PKP4: variants seen among roughly 807,000 people sequenced by gnomAD.
PKP4 encodes plakophilin 4, also known as plakophilin-4.
A neutral mutation model predicts 145.1 loss-of-function variants in PKP4; 90 were observed. That is an observed-to-expected ratio of 0.62 (90% CI 0.52 to 0.74). The LOEUF (loss-of-function observed/expected upper bound fraction) is 0.74. Among genes scored for constraint, PKP4 ranks in the 30% least tolerant of loss-of-function variants. PKP4 has a pLI of 0.00. For synonymous variants in PKP4, 563 were observed against 577.2 expected (o/e 0.98, Z 0.35); for missense variants, 1,340 against 1,482.7 (o/e 0.90, Z 1.58).
chr2:158,557,271 TATC>T (rs936406570), intron 2 of PKP4, among the ~76,000 whole-genome samples: 6 of 151,462 alleles, frequency 4.0e-5, no homozygotes, highest in African/African-American at 1.4e-4. Context: ...GTAATACTAT[TATC>T]ATGATACCTT....
At position 158,634,073 on chromosome 2, in the gene PKP4, G is replaced by T; in HGVS notation, c.1346G>T (p.Gly449Val). The T allele has an allele frequency of 6.4e-7, 1 of 1,574,800 alleles. No homozygotes were observed. The stretch of plus-strand genomic sequence containing the variant: ...TTTCAAAATGTTGACTTTCTAGTAG[G>T]TATTGGAAATCTACAAAGGACATCC... Reference protein sequence around the residue: ...QTALYRTGSVGIGNLQRTSSQ... With the variant: ...QTALYRTGSVVIGNLQRTSSQ... Residue 449 changes from glycine (G) to valine (V), a missense_variant, in exon 9 of 22, where the codon GGT becomes GTT. Physicochemically the swap from Gly to Val is moderately radical, Grantham distance 109 (BLOSUM62 -3). Transcript: ENST00000389759.
rs1187207129 is a variant in PKP4 at position 158,625,219 on chromosome 2, A to G, written c.945A>G (p.Pro315=). The G allele has an allele frequency of 1.3e-5, 21 of 1,614,036 alleles. No individual in the cohort carries two copies. Among genetic ancestry groups the G allele is most frequent in the Non-Finnish European group, 1.5e-5 (18 of 1,179,988 alleles). ...AAACCACCGCCAGAGTGGGGTCCCC[A>G]CTGACCCTGACGGATGCACAGACTC... ...QYQTTARVGS[P]LTLTDAQTRV... Residue 315 remains proline (P), a synonymous_variant, in exon 7 of 22, where the codon CCA becomes CCG. Coordinates refer to ENST00000389759, the MANE Select transcript of PKP4 (RefSeq NM_003628.6).
chr2:158,588,204 G>A (rs1160564785), intron 3 of PKP4: 1 of 152,234 alleles, frequency 6.6e-6, no homozygotes, highest in Non-Finnish European at 1.5e-5. Context: ...CATAATGAAT[G>A]TACATTTTTA....
intron 1 of PKP4, among the ~76,000 whole-genome samples, chr2:158,472,381 G>A (rs533428427): frequency 9.9e-5 from 15 of 152,068 alleles, no homozygotes; most frequent in Non-Finnish European, 1.3e-4. Flanking sequence ...AGGCCGAGGC[G>A]GGCAGATCAT....
chr2:158,458,543 C>T (rs1689246737), intron 1 of PKP4, among the ~76,000 whole-genome samples: 1 of 152,154 alleles, frequency 6.6e-6, no homozygotes, highest in South Asian at 2.1e-4. Context: ...CTAGGGTTTT[C>T]TGAAAACCAG....
At chr2:158,541,616 A>G (rs2044528806) in intron 2 of PKP4, among the ~76,000 whole-genome samples, 1 of 152,106 alleles carries the variant, frequency 6.6e-6, no homozygotes, top group African/African-American at 2.4e-5. Flanking sequence ...TTCAAATATG[A>G]AAATAGCTAT....
At chr2:158,482,943 G>A (rs1302136173) in intron 1 of PKP4, among the ~76,000 whole-genome samples, 3 of 152,094 alleles carry the variant, frequency 2.0e-5, no homozygotes, top group African/African-American at 7.2e-5. Flanking sequence ...GTGTTTGTTA[G>A]CCTACACACA....
intron 1 of PKP4, among the ~76,000 whole-genome samples, chr2:158,522,054 G>C (rs943848771): frequency 2.0e-5 from 3 of 152,062 alleles, no homozygotes; most frequent in Non-Finnish European, 4.4e-5. Flanking sequence ...TGTTCATAAT[G>C]ACAACTATAT....
chr2:158,587,942 A>C (rs2048942484), intron 3 of PKP4, among the ~76,000 whole-genome samples: 1 of 151,808 alleles, frequency 6.6e-6, no homozygotes, highest in Admixed American at 6.6e-5. Flanking sequence ...TTTTACATCA[A>C]AGATTGTAGG....
chr2:158,615,543 C>T (rs1024609462), intron 4 of PKP4, among the ~76,000 whole-genome samples: 9 of 152,044 alleles, frequency 5.9e-5, no homozygotes, highest in African/African-American at 1.7e-4. Context: ...ATACTTAACA[C>T]TCATTTTTAT....
intron 3 of PKP4, among the ~76,000 whole-genome samples, chr2:158,594,744 T>G (rs1288691512): frequency 6.6e-6 from 1 of 152,130 alleles, no homozygotes; most frequent in Non-Finnish European, 1.5e-5. Flanking sequence ...TTGGAAGGGG[T>G]TTCAAAAAAT....
chr2:158,473,992 ATTATAT>A (rs1436912069), intron 1 of PKP4, among the ~76,000 whole-genome samples: 3 of 152,164 alleles, frequency 2.0e-5, no homozygotes, highest in African/African-American at 4.8e-5. Flanking sequence ...TACTAAATGA[ATTATAT>A]TTATTATATG....
intron 11 of PKP4, among the ~76,000 whole-genome samples, chr2:158,656,652 G>T (rs926886993): frequency 2.1e-4 from 32 of 152,182 alleles, no homozygotes; most frequent in African/African-American, 7.5e-4. Flanking sequence ...CACAGGTGCA[G>T]AGCAGAACAC....
At chr2:158,596,649 T>C (rs538692584) in intron 3 of PKP4, among the ~76,000 whole-genome samples, 2 of 150,502 alleles carry the variant, frequency 1.3e-5, no homozygotes, top group South Asian at 4.2e-4. Context: ...AAGAAAAGAA[T>C]ATTGTAATAT....
chr2:158,489,342 T>C (rs1452589694), intron 1 of PKP4, among the ~76,000 whole-genome samples: 1 of 152,238 alleles, frequency 6.6e-6, no homozygotes, highest in East Asian at 1.9e-4. Context: ...ACTATCTTAA[T>C]CATTTCAAGT....
rs147270674 is a variant in PKP4, at chr2:158,534,288, G to T, written c.132+972G>T. Among the ~76,000 whole-genome samples the T allele has an allele frequency of 9.9e-4, 151 of 152,300 alleles. 2 individuals carry two copies. In the East Asian group the frequency reaches 0.027, roughly 27 times the overall value. On this transcript the variant is annotated intron_variant, in intron 2 of 21. Transcript: ENST00000389759. Reference sequence around the variant, plus strand: ...TCGTAACTTGGAATGTGGCATGAAAGATTGCTCTATAACCGTGACACATGT... The same window carrying T: ...TCGTAACTTGGAATGTGGCATGAAATATTGCTCTATAACCGTGACACATGT...
intron 1 of PKP4, among the ~76,000 whole-genome samples, chr2:158,522,678 G>T (rs560877775): frequency 6.6e-6 from 1 of 152,236 alleles, no homozygotes; most frequent in Non-Finnish European, 1.5e-5. Flanking sequence ...CAGCGTGAGC[G>T]ACGCAGAAGA....
chr2:158,554,975 T>TAAG (rs3836165), intron 2 of PKP4, among the ~76,000 whole-genome samples: 1,991 of 151,518 alleles, frequency 0.013, 35 homozygotes, highest in African/African-American at 0.044. Context: ...ATTTACTTGT[T>TAAG]TAAATAATCC....
chr2:158,470,577 A>G (rs1691409365), intron 1 of PKP4, among the ~76,000 whole-genome samples: 2 of 152,204 alleles, frequency 1.3e-5, no homozygotes, highest in Admixed American at 1.3e-4. Flanking sequence ...TCTTCAACCC[A>G]TCAGAGAGTT....
Sources: gnomAD v4.1 joint callset for allele counts (sites outside exome capture counted in the v4.1 genomes callset) on GRCh38, gnomAD v4.1.1 for gene constraint, MANE v1.5 for transcripts, NCBI Gene and HGNC (gene_info 2026-07-23, HGNC 2026-07-21) for gene names.